Variants in WWOX observed in about 807,000 individuals in gnomAD.
The protein encoded by WWOX is WW domain containing oxidoreductase.
Under a neutral mutation model 46.2 loss-of-function variants are expected in WWOX, and 69 were observed. That is an observed-to-expected ratio of 1.49 (90% confidence interval 1.23 to 1.82). WWOX has a LOEUF of 1.82. Ranked by LOEUF, WWOX falls within the 40% of genes most tolerant of loss-of-function variation. The probability of loss-of-function intolerance (pLI) is 0.00; values close to 1 mark genes in which losing one functional copy is unlikely to be tolerated. For synonymous variants in WWOX, 359 were observed against 202.6 expected, an observed-to-expected ratio of 1.77 and a Z score of -6.56; for missense variants, 919 against 542.6, an observed-to-expected ratio of 1.69 and a Z score of -6.89.
At chr16:79,132,477 G>A (rs907788545) in intron 8 of WWOX, among the ~76,000 whole-genome samples, 6 of 152,090 alleles carry the variant, frequency 3.9e-5, no homozygotes, top group African/African-American at 1.4e-4. Flanking sequence ...TACTTATTTG[G>A]GAGAGTTACT....
intron 8 of WWOX, among the ~76,000 whole-genome samples, chr16:78,972,896 A>G (rs2046499498): frequency 1.3e-5 from 2 of 152,192 alleles, no homozygotes; most frequent in Non-Finnish European, 1.5e-5. Flanking sequence ...GCTGCCTGTC[A>G]TTTTATTAGC....
Position 78,954,753 on chromosome 16 carries a change from C to G in WWOX, c.1057-256855C>G, listed in dbSNP as rs113161822. 4.0e-3 allele frequency among the ~76,000 whole-genome samples: 602 copies of G among 152,110 alleles called. 4 individuals are homozygous for G. Among genetic ancestry groups the G allele is most frequent in the African/African-American group, 0.013 (552 of 41,496 alleles). On this transcript the variant is annotated intron_variant, in intron 8 of 8. Coordinates refer to ENST00000566780, the MANE Select transcript of WWOX (RefSeq NM_016373.4). ...AATTATATAAAGTGCTATGGGGAAG[C>G]AAAGCTACATGACCAATTTGTTCTA...
intron 8 of WWOX, among the ~76,000 whole-genome samples, chr16:78,802,042 C>G (rs2293903): frequency 3.3e-5 from 5 of 152,010 alleles, no homozygotes; most frequent in African/African-American, 1.2e-4. Context: ...GGTGGCTTCT[C>G]CTGGCTCTGC....
chr16:78,894,544 T>A (rs1164348555), intron 8 of WWOX, among the ~76,000 whole-genome samples: 1 of 152,220 alleles, frequency 6.6e-6, no homozygotes, highest in Non-Finnish European at 1.5e-5. Flanking sequence ...GCAGCTGTAA[T>A]CCAGCCTGAT....
At chr16:78,146,778 T>C (rs2034213515) in intron 4 of WWOX, among the ~76,000 whole-genome samples, 1 of 152,202 alleles carries the variant, frequency 6.6e-6, no homozygotes, top group Non-Finnish European at 1.5e-5. Context: ...AATCACTGAA[T>C]ATGTTATAAC....
chr16:78,175,245 C>T (rs1167232624), intron 5 of WWOX, among the ~76,000 whole-genome samples: 1 of 152,016 alleles, frequency 6.6e-6, no homozygotes, highest in Non-Finnish European at 1.5e-5. Flanking sequence ...TCATCTGGAG[C>T]TAGTCCCTGA....
At chr16:78,515,631 G>T (rs921241153) in intron 8 of WWOX, among the ~76,000 whole-genome samples, 4 of 152,164 alleles carry the variant, frequency 2.6e-5, no homozygotes, top group African/African-American at 9.7e-5. Flanking sequence ...TAGGTGAGAT[G>T]GAAAGCTTCC....
At chr16:78,438,300 C>A (rs1024836134) in intron 8 of WWOX, among the ~76,000 whole-genome samples, 1 of 152,118 alleles carries the variant, frequency 6.6e-6, no homozygotes, top group African/African-American at 2.4e-5. Flanking sequence ...GATATACCAG[C>A]CTTGTAAACT....
intron 5 of WWOX, among the ~76,000 whole-genome samples, chr16:78,332,971 TATA>T (rs1223005392): frequency 5.3e-5 from 8 of 151,810 alleles, no homozygotes; most frequent in African/African-American, 1.9e-4. Context: ...CCCTTGTACT[TATA>T]ATATAAAACA....
intron 8 of WWOX, among the ~76,000 whole-genome samples, chr16:79,024,727 G>C (rs567719854): frequency 6.6e-6 from 1 of 151,876 alleles, no homozygotes; most frequent in Non-Finnish European, 1.5e-5. Flanking sequence ...GAGCCACCAT[G>C]CCTGGCCCTG....
At chr16:78,655,038 C>G (rs545677685) in intron 8 of WWOX, among the ~76,000 whole-genome samples, 2 of 152,134 alleles carry the variant, frequency 1.3e-5, no homozygotes, top group Non-Finnish European at 2.9e-5. Context: ...TTTGGCAGAA[C>G]TCTGTGCCTT....
intron 8 of WWOX, among the ~76,000 whole-genome samples, chr16:79,190,235 G>C (rs1171845795): frequency 1.3e-5 from 2 of 152,084 alleles, no homozygotes; most frequent in African/African-American, 4.8e-5. Flanking sequence ...GTGTTGGCCA[G>C]GCTGGTCTCG....
At chr16:78,457,512 C>CT (rs1391628928) in intron 8 of WWOX, among the ~76,000 whole-genome samples, 3 of 152,092 alleles carry the variant, frequency 2.0e-5, no homozygotes, top group Admixed American at 6.6e-5. Flanking sequence ...ATTCACCAAT[C>CT]TTTTTTTTCC....
chr16:78,837,915 C>T (rs1276220147), intron 8 of WWOX, among the ~76,000 whole-genome samples: 5 of 152,096 alleles, frequency 3.3e-5, no homozygotes, highest in Non-Finnish European at 7.4e-5. Flanking sequence ...AATGGAGTCC[C>T]AGGGACCTAC....
chr16:78,908,226 G>A (rs2045016640), intron 8 of WWOX, among the ~76,000 whole-genome samples: 1 of 152,090 alleles, frequency 6.6e-6, no homozygotes, highest in Admixed American at 6.5e-5. Context: ...GATTTATCAA[G>A]ACAGGGGGAT....
chr16:78,332,942 C>T (rs1329899021), intron 5 of WWOX, among the ~76,000 whole-genome samples: 5 of 151,876 alleles, frequency 3.3e-5, no homozygotes, highest in Non-Finnish European at 7.4e-5. Flanking sequence ...AATCATAAAC[C>T]ATGTTCTGTT....
At chr16:79,087,610 T>C (rs2048877155) in intron 8 of WWOX, among the ~76,000 whole-genome samples, 1 of 152,154 alleles carries the variant, frequency 6.6e-6, no homozygotes, top group Non-Finnish European at 1.5e-5. Flanking sequence ...GTTGACTTCA[T>C]ATTGGAGGCA....
chr16:78,994,082 AT>A (rs1162227176), intron 8 of WWOX, among the ~76,000 whole-genome samples: 4 of 152,106 alleles, frequency 2.6e-5, no homozygotes, highest in African/African-American at 9.7e-5. Context: ...CATTTGATTC[AT>A]TTGCTTATTA....
intron 8 of WWOX, among the ~76,000 whole-genome samples, chr16:78,799,063 G>C (rs2050817583): frequency 6.6e-6 from 1 of 152,172 alleles, no homozygotes; most frequent in Non-Finnish European, 1.5e-5. Flanking sequence ...TCTATACCTT[G>C]TCAATCCATT....
Sources: allele counts gnomAD v4.1 joint callset (sites outside exome capture counted in the v4.1 genomes callset), GRCh38; gene constraint gnomAD v4.1.1; transcripts MANE v1.5; gene names NCBI Gene and HGNC (gene_info 2026-07-23, HGNC 2026-07-21).